PLXNB3: variants seen among roughly 807,000 people sequenced by gnomAD.
PLXNB3 encodes the protein plexin B3, also known as plexin-B3.
In PLXNB3, 80 loss-of-function variants were observed where a neutral mutation model predicts 125.7. The ratio of observed to expected loss-of-function variants is 0.64; its 90% CI spans 0.53 to 0.77. PLXNB3 has a LOEUF of 0.77. Among genes scored for constraint, PLXNB3 ranks in the 30% least tolerant of loss-of-function variants. PLXNB3 has a pLI of 0.00. For synonymous variants in PLXNB3, 954 were observed against 783.3 expected (o/e 1.22, Z -3.64); for missense variants, 1,836 against 1,729.3 (o/e 1.06, Z -1.09).
At chrX:153,773,178 G>C in intron 17 of PLXNB3, 52 bp from the exon 18 acceptor site, 2 of 1,139,120 alleles carry the variant, frequency 1.8e-6, no homozygotes, top group Non-Finnish European at 2.4e-6. Flanking sequence ...GCCAGGGCTG[G>C]GGTAGAGGGG....
intron 20 of PLXNB3, 30 bp from the exon 21 acceptor site, chrX:153,774,156 C>A: frequency 8.3e-7 from 1 of 1,202,314 alleles, no homozygotes; most frequent in African/African-American, 1.7e-5. Flanking sequence ...CTGTGGGGGC[C>A]AGCGGCTTAG....
Position 153,772,912 on chromosome X carries a change from T to C in PLXNB3, c.2802T>C (p.Pro934=), listed in dbSNP as rs781969853. 33 of 1,157,425 alleles carry C rather than the reference T, an allele frequency of 2.9e-5. No homozygotes were observed. The South Asian group carries it at 6.5e-4, about 23-fold the overall frequency. Residue 934 remains proline, a synonymous_variant, in exon 17 of 36, where the codon CCT becomes CCC. Transcript: ENST00000361971. The part of the protein sequence containing the change: ...YQDPVLLSLS[P]RWGPQAGGTQ... ...ACCCTGTCCTGCTGAGCCTGAGTCC[T>C]CGCTGGGGCCCCCAGGCAGGGGGCA... is the stretch of plus-strand genomic sequence containing the variant.
In PLXNB3 at chrX:153,776,436, C is replaced by T. The variant is rs782295733; in HGVS notation, c.4810C>T (p.Leu1604Phe). The T allele has an allele frequency of 8.6e-7, 1 of 1,157,302 alleles. No homozygotes were observed. Among genetic ancestry groups the T allele is most frequent in the Non-Finnish European group, 1.2e-6 (1 of 858,103 alleles). ...CGTGACCCAAAACCACTGGAAGAGACTCAACACCTTGCAACACTACAAGGT... is the reference window on the plus strand; with the variant it reads ...CGTGACCCAAAACCACTGGAAGAGATTCAACACCTTGCAACACTACAAGGT... ...TSVTQNHWKR[L>F]NTLQHYKVPD... Residue 1604 changes from leucine to phenylalanine, a missense_variant, in exon 28 of 36, where the codon CTC (leucine) becomes TTC (phenylalanine). Coordinates refer to ENST00000361971, the MANE Select transcript of PLXNB3 (RefSeq NM_005393.3).
At chrX:153,766,519 C>T (rs1453992717) in intron 2 of PLXNB3, 4 of 1,024,164 alleles carry the variant, frequency 3.9e-6, no homozygotes, top group East Asian at 3.8e-5. Context: ...GACTCACAGT[C>T]CCTCTGTTAG....
Position 153,770,189 on chromosome X carries a change from C to A in PLXNB3, c.1727C>A (p.Pro576His). 8.3e-7 allele frequency: 1 copy of A among 1,211,080 alleles called. No homozygotes were observed. Reference sequence around the variant, plus strand: ...GACAGCTTGGCTCATGTGGAAGGGCCCCACGTGGCCTGTGTCACCCCTCCC... The same window carrying A: ...GACAGCTTGGCTCATGTGGAAGGGCACCACGTGGCCTGTGTCACCCCTCCC... ...DYDSLAHVEG[P>H]HVACVTPPQD... is the part of the protein sequence containing the mutation. Residue 576 changes from proline to histidine, a missense_variant, in exon 8 of 36, where the codon CCC (proline) becomes CAC (histidine). Pro to His is a moderately conservative substitution (Grantham distance 77, BLOSUM62 -2). Transcript: ENST00000361971.
At chrX:153,777,115 C>T in intron 29 of PLXNB3, 93 bp from the exon 30 acceptor site, 2 of 1,039,961 alleles carry the variant, frequency 1.9e-6, no homozygotes, top group Non-Finnish European at 2.6e-6. Flanking sequence ...TCTTCCAGTC[C>T]CCACACTGCC....
chrX:153,771,695 T>C, intron 14 of PLXNB3, 40 bp downstream of exon 14: 1 of 1,148,050 alleles, frequency 8.7e-7, no homozygotes, highest in Non-Finnish European at 1.2e-6. Context: ...AGTGGCCCAC[T>C]TCTCCTGCCC....
At position 153,778,412 on chromosome X, in the gene PLXNB3, C is replaced by T. The variant is rs146644526; in HGVS notation, c.5491C>T (p.Arg1831Cys). The T allele has an allele frequency of 2.3e-4, 276 of 1,209,908 alleles. No individual in the cohort carries two copies. The African/African-American group carries it at 4.0e-3, about 17-fold the overall frequency. Reference sequence around the variant, plus strand: ...CTCCTCCAGGTACTATGCGGACATTCGCCAGAGCTCTCCGGCGAGCTACCA... The same window carrying T: ...CTCCTCCAGGTACTATGCGGACATTTGCCAGAGCTCTCCGGCGAGCTACCA... ...QMVERYYADI[R>C]QSSPASYQEM... The change falls in exon 34 of 36, where the codon CGC becomes TGC. Residue 1831 changes from arginine (R) to cysteine (C), a missense_variant. By Grantham distance (180) the Arg-to-Cys change is radical. Coordinates refer to ENST00000361971, the MANE Select transcript of PLXNB3 (RefSeq NM_005393.3).
rs782292845 is a variant in PLXNB3, at chrX:153,767,044, C to T, written c.217C>T (p.Arg73Cys). The T allele has an allele frequency of 2.0e-5, 24 of 1,209,808 alleles. 1 individual carries two copies. The highest frequency in any genetic ancestry group is 6.5e-5 in the Admixed American group (3 of 45,958). The part of the protein sequence containing the change: ...RGTLYVGAVN[R>C]LFQLSPELQL... ...CACACTCTATGTCGGCGCAGTGAACCGCCTCTTCCAGCTCAGCCCCGAGCT... is the reference window on the plus strand; with the variant it reads ...CACACTCTATGTCGGCGCAGTGAACTGCCTCTTCCAGCTCAGCCCCGAGCT... Residue 73 changes from arginine (R) to cysteine (C), a missense_variant, in exon 3 of 36, where the codon CGC becomes TGC. Coordinates refer to ENST00000361971, the MANE Select transcript of PLXNB3 (RefSeq NM_005393.3).
chrX:153,770,570 C>G lies in PLXNB3; in HGVS notation c.1938C>G (p.Cys646Trp). ...GCAGCATCTGGCGGTGTCACTGGTGCCCGCAGAGTAGCCACTGCGTGTACG... is the reference window on the plus strand; with the variant it reads ...GCAGCATCTGGCGGTGTCACTGGTGGCCGCAGAGTAGCCACTGCGTGTACG... ...CVGSIWRCHW[C>W]PQSSHCVYGE... Residue 646 changes from cysteine to tryptophan, a missense_variant, in exon 10 of 36, where the codon TGC (cysteine) becomes TGG (tryptophan). Cys to Trp is a radical substitution (Grantham distance 215, BLOSUM62 -2). Coordinates refer to ENST00000361971, the MANE Select transcript of PLXNB3 (RefSeq NM_005393.3). 1.7e-6 allele frequency: 2 copies of G among 1,211,227 alleles called. No individual in the cohort carries two copies. Among genetic ancestry groups the G allele is most frequent in the Non-Finnish European group, 2.2e-6 (2 of 895,488 alleles).
Position 153,776,483 on chromosome X carries a change from C to A in PLXNB3, c.4833+24C>A, listed in dbSNP as rs184699397. On this transcript the variant is annotated intron_variant, in intron 28 of 35. Coordinates refer to ENST00000361971, the MANE Select transcript of PLXNB3 (RefSeq NM_005393.3). ...AGGTGTGAGCAGGGACGGGGCGAGGCAGGGCGGGGCTGGGGCGGGGCAGGG... is the reference window on the plus strand; with the variant it reads ...AGGTGTGAGCAGGGACGGGGCGAGGAAGGGCGGGGCTGGGGCGGGGCAGGG... The A allele has an allele frequency of 1.3e-4, 73 of 576,886 alleles. No homozygotes were observed. In the East Asian group the frequency reaches 2.1e-3, roughly 17 times the overall value. The allele number at this position is 576,886 out of a possible 1,213,427, so 47.5% of individuals were successfully genotyped here. A position where few individuals can be genotyped will look rare whatever the true frequency, so the allele number is the denominator to read the frequency against.
chrX:153,775,894 C>T lies in PLXNB3; in HGVS notation c.4409C>T (p.Ala1470Val), dbSNP rs1557063906. 2 of 1,205,007 alleles carry T rather than the reference C, an allele frequency of 1.7e-6. No homozygotes were observed. The highest frequency in any genetic ancestry group is 2.2e-6 in the Non-Finnish European group (2 of 891,099). ...CTCATCTTGGCAGTGCAGGAGGTGGCTGGTGAACCACTGTACATGCTCTTC... is the reference window on the plus strand; with the variant it reads ...CTCATCTTGGCAGTGCAGGAGGTGGTTGGTGAACCACTGTACATGCTCTTC... ...ICLYAFLREVAGEPLYMLFRA... is the reference protein window; with the variant it reads ...ICLYAFLREVVGEPLYMLFRA... The change falls in exon 27 of 36, where the codon GCT (alanine) becomes GTT (valine). Residue 1470 changes from alanine (A) to valine (V), a missense_variant. Ala to Val is a moderately conservative substitution (Grantham distance 64). Coordinates refer to ENST00000361971, the MANE Select transcript of PLXNB3 (RefSeq NM_005393.3).
In PLXNB3 at chrX:153,766,985, C is replaced by T; in HGVS notation, c.158C>T (p.Thr53Ile). The T allele has an allele frequency of 8.3e-7, 1 of 1,211,056 alleles. No homozygotes were observed. Among genetic ancestry groups the T allele is most frequent in the South Asian group, 1.8e-5 (1 of 57,040 alleles). Reference protein sequence around the residue: ...GAHRFSAPNTTLNHLALAPGR... With the variant: ...GAHRFSAPNTILNHLALAPGR... The stretch of plus-strand genomic sequence containing the variant: ...CATCGCTTCTCCGCACCTAATACCA[C>T]TCTCAACCACTTGGCACTGGCACCT... The change falls in exon 3 of 36, where the codon ACT becomes ATT. Residue 53 changes from threonine (T) to isoleucine (I), a missense_variant. Physicochemically the swap from Thr to Ile is moderately conservative, Grantham distance 89. Coordinates refer to ENST00000361971, the MANE Select transcript of PLXNB3 (RefSeq NM_005393.3).
rs143426570 is a variant in PLXNB3, at chrX:153,768,478, G to C, written c.1266+50G>C. On this transcript the variant is annotated intron_variant, in intron 4 of 35. Transcript: ENST00000361971. ...GCTGGGTGTGCCCCTGGCCACGGAG[G>C]CTCAGGAAAGCCCCCAGCAACTTCC... is the stretch of plus-strand genomic sequence containing the variant. The C allele has an allele frequency of 4.6e-6, 5 of 1,082,236 alleles. No homozygotes were observed. The Admixed American group carries it at 1.3e-4, about 27-fold the overall frequency. 89.2% of individuals were successfully genotyped at this position (1,082,236 alleles called of 1,213,427 possible).
At chrX:153,777,912 C>A in intron 31 of PLXNB3, 36 bp from the exon 32 acceptor site, 1 of 1,182,845 alleles carries the variant, frequency 8.5e-7, no homozygotes, top group Non-Finnish European at 1.1e-6. Flanking sequence ...GATGGCAGGC[C>A]AGGGCCTCAC....
intron 14 of PLXNB3, 26 bp from the exon 15 acceptor site, chrX:153,771,838 C>G: frequency 8.3e-7 from 1 of 1,199,707 alleles, no homozygotes; most frequent in Non-Finnish European, 1.1e-6. Flanking sequence ...CGGGGGACCC[C>G]ATCTGCCATC....
Position 153,767,553 on chromosome X carries a change from C to T in PLXNB3, c.726C>T (p.Arg242=). 1 of 1,175,387 alleles carries T rather than the reference C, an allele frequency of 8.5e-7. No individual in the cohort carries two copies. The highest frequency in any genetic ancestry group is 1.1e-6 in the Non-Finnish European group (1 of 877,531). The change falls in exon 3 of 36, where the codon CGC becomes CGT. Residue 242 remains arginine, a synonymous_variant. Coordinates refer to ENST00000361971, the MANE Select transcript of PLXNB3 (RefSeq NM_005393.3). ...ACGTCGGGGCCTTTGCCGACGCCCGCTCCGCCTACTTCGTGTTCCGCCGCC... is the reference window on the plus strand; with the variant it reads ...ACGTCGGGGCCTTTGCCGACGCCCGTTCCGCCTACTTCGTGTTCCGCCGCC... The part of the protein sequence containing the change: ...NSYVGAFADA[R]SAYFVFRRRG...
intron 2 of PLXNB3, chrX:153,766,564 A>G (rs2091860698): frequency 9.8e-7 from 1 of 1,016,109 alleles, no homozygotes; most frequent in Admixed American, 5.1e-5. Context: ...GCCCCCCTTC[A>G]ACAATCTACA....
chrX:153,777,440 C>A, intron 30 of PLXNB3, 60 bp downstream of exon 30: 1 of 1,181,251 alleles, frequency 8.5e-7, no homozygotes, highest in South Asian at 1.9e-5. Context: ...CCCGACCGAG[C>A]CAGGGTGTGG....
Sources: allele counts gnomAD v4.1 joint callset, GRCh38; gene constraint gnomAD v4.1.1; transcripts MANE v1.5; gene names NCBI Gene and HGNC (gene_info 2026-07-23, HGNC 2026-07-21).